ERC2: variants seen among roughly 807,000 people sequenced by gnomAD.
ERC2 encodes the protein ERC protein 2.
In ERC2, 42 loss-of-function variants were observed where a neutral mutation model predicts 114.8. That is an observed-to-expected ratio of 0.37 (90% CI 0.29 to 0.47). The LOEUF (loss-of-function observed/expected upper bound fraction) is 0.47. ERC2 is among the 20% of genes least tolerant of loss of function. The pLI, the probability that ERC2 is intolerant of heterozygous loss-of-function variation, is 0.99. For missense variants in ERC2, 939 were observed against 1,150.7 expected (o/e 0.82, Z 2.66); for synonymous variants, 454 against 425.5 (o/e 1.07, Z -0.82).
At chr3:55,624,373 G>A (rs1266606851) in intron 17 of ERC2, among the ~76,000 whole-genome samples, 1 of 152,202 alleles carries the variant, frequency 6.6e-6, no homozygotes, top group African/African-American at 2.4e-5. Context: ...CTGACAATGT[G>A]TCGCCACGGG....
intron 8 of ERC2, among the ~76,000 whole-genome samples, chr3:56,018,092 G>A (rs1410067641): frequency 6.6e-6 from 1 of 152,138 alleles, no homozygotes; most frequent in Non-Finnish European, 1.5e-5. Context: ...TACCTAGGAG[G>A]TGTCCCCAAG....
At chr3:55,890,653 G>C (rs143222735) in intron 13 of ERC2, among the ~76,000 whole-genome samples, 1 of 152,182 alleles carries the variant, frequency 6.6e-6, no homozygotes, top group Non-Finnish European at 1.5e-5. Flanking sequence ...GAAGCACATG[G>C]AGAAACTGGG....
chr3:56,370,336 C>G lies in ERC2; in HGVS notation c.657+64015G>C, dbSNP rs532997323. 2.0e-5 allele frequency among the ~76,000 whole-genome samples: 3 copies of G among 152,284 alleles called. No individual in the cohort carries two copies. In the South Asian group the frequency reaches 6.2e-4, roughly 32 times the overall value. The stretch of plus-strand genomic sequence containing the variant: ...ATTCATTGGCACAGATAGTGATGGA[C>G]AATTGCATTGCTCCGGATTTCTTGT... On this transcript the variant is annotated intron_variant, in intron 2 of 17. Transcript: ENST00000288221.
At chr3:55,694,984 T>A (rs955051525) in intron 16 of ERC2, among the ~76,000 whole-genome samples, 1 of 152,134 alleles carries the variant, frequency 6.6e-6, no homozygotes, top group Non-Finnish European at 1.5e-5. Context: ...CTTAATAAAA[T>A]ATGACTTTTA....
chr3:55,580,322 TA>T (rs2057197835), intron 17 of ERC2, among the ~76,000 whole-genome samples: 1 of 152,022 alleles, frequency 6.6e-6, no homozygotes, highest in African/African-American at 2.4e-5. Flanking sequence ...GAATAAAGGC[TA>T]CCACTTTGCG....
intron 14 of ERC2, among the ~76,000 whole-genome samples, chr3:55,816,838 T>C (rs1476628217): frequency 1.3e-5 from 2 of 152,130 alleles, no homozygotes; most frequent in Non-Finnish European, 2.9e-5. Flanking sequence ...TAGGTTGCTA[T>C]GGACAATCAG....
At chr3:55,993,681 A>AC (rs1048588119) in intron 10 of ERC2, among the ~76,000 whole-genome samples, 18 of 98,642 alleles carry the variant, frequency 1.8e-4, no homozygotes, top group Admixed American at 4.3e-4. Context: ...TCAATTACAC[A>AC]AAAAAAAAAC....
chr3:55,807,973 C>T (rs2059554314), intron 14 of ERC2, among the ~76,000 whole-genome samples: 1 of 152,170 alleles, frequency 6.6e-6, no homozygotes, highest in South Asian at 2.1e-4. Flanking sequence ...CATGCTTTAG[C>T]ATCAAGGGTT....
intron 17 of ERC2, among the ~76,000 whole-genome samples, chr3:55,574,122 A>AT (rs2056858076): frequency 6.6e-6 from 1 of 152,072 alleles, no homozygotes; most frequent in South Asian, 2.1e-4. Flanking sequence ...TGCATGTGCT[A>AT]TTTTTTATCC....
chr3:55,933,604 G>C (rs1270901831), intron 13 of ERC2, among the ~76,000 whole-genome samples: 1 of 152,182 alleles, frequency 6.6e-6, no homozygotes, highest in Non-Finnish European at 1.5e-5. Context: ...CCTCCCCATA[G>C]CATCAATCAA....
At chr3:56,347,430 C>T (rs2058351756) in intron 2 of ERC2, among the ~76,000 whole-genome samples, 1 of 151,964 alleles carries the variant, frequency 6.6e-6, no homozygotes, top group Non-Finnish European at 1.5e-5. Context: ...AGGAGGAAGG[C>T]TTGGCCCGTT....
intron 2 of ERC2, among the ~76,000 whole-genome samples, chr3:56,391,460 A>G (rs1375512068): frequency 6.6e-6 from 1 of 152,206 alleles, no homozygotes; most frequent in Non-Finnish European, 1.5e-5. Flanking sequence ...CACCATTTCC[A>G]TTTTAGGAAT....
rs79953732 is a variant in ERC2, at chr3:55,550,817, C to T, written c.*40-39541G>A. On this transcript the variant is annotated intron_variant, in intron 17 of 17. Transcript: ENST00000288221. ...AGATCACGAGGTCAGGAGATCGAGA[C>T]CATCCTGGCTAACACGGTGAAACCC... 4.3e-4 allele frequency among the ~76,000 whole-genome samples: 66 copies of T among 152,122 alleles called. No homozygotes were observed. The East Asian group carries it at 4.5e-3, about 10-fold the overall frequency.
At chr3:56,231,263 A>G (rs2050598676) in intron 3 of ERC2, among the ~76,000 whole-genome samples, 1 of 152,038 alleles carries the variant, frequency 6.6e-6, no homozygotes, top group Non-Finnish European at 1.5e-5. Flanking sequence ...AGCATTCAAA[A>G]CCCTCCCTGC....
At chr3:55,969,727 G>C (rs1031267837) in intron 12 of ERC2, among the ~76,000 whole-genome samples, 1 of 152,158 alleles carries the variant, frequency 6.6e-6, no homozygotes, top group Non-Finnish European at 1.5e-5. Context: ...TAGTGCTTGG[G>C]ATCCTCTCTT....
intron 14 of ERC2, among the ~76,000 whole-genome samples, chr3:55,818,901 T>C (rs2060005072): frequency 6.6e-6 from 1 of 152,232 alleles, no homozygotes; most frequent in South Asian, 2.1e-4. Flanking sequence ...ATATAACTTG[T>C]TTCCGCAAGT....
At chr3:56,098,990 C>G (rs557473190) in intron 6 of ERC2, among the ~76,000 whole-genome samples, 1 of 152,328 alleles carries the variant, frequency 6.6e-6, no homozygotes, top group Non-Finnish European at 1.5e-5. Context: ...TGAATGTGAT[C>G]TTGTTTGGAT....
Position 55,989,232 on chromosome 3 carries a change from T to C in ERC2, c.2255+2825A>G, listed in dbSNP as rs561168175. 1.3e-4 allele frequency among the ~76,000 whole-genome samples: 20 copies of C among 152,320 alleles called. No individual in the cohort carries two copies. In the South Asian group the frequency reaches 4.1e-3, roughly 32 times the overall value. ...AAAATGTGCAGAAAGTACATAAAGATAAATGCCTGTAAAATCACTGCTGCT... is the reference window on the plus strand; with the variant it reads ...AAAATGTGCAGAAAGTACATAAAGACAAATGCCTGTAAAATCACTGCTGCT... On this transcript the variant is annotated intron_variant, in intron 11 of 17. Transcript: ENST00000288221.
At chr3:56,356,761 C>G (rs1262717486) in intron 2 of ERC2, among the ~76,000 whole-genome samples, 2 of 152,204 alleles carry the variant, frequency 1.3e-5, no homozygotes, top group Non-Finnish European at 2.9e-5. Context: ...TCTCTGGATA[C>G]CAGACATCAG....
Sources: gnomAD v4.1 joint callset for allele counts (sites outside exome capture counted in the v4.1 genomes callset) on GRCh38, gnomAD v4.1.1 for gene constraint, MANE v1.5 for transcripts, NCBI Gene and HGNC (gene_info 2026-07-23, HGNC 2026-07-21) for gene names.